Variants in HS3ST2 observed in about 807,000 individuals in gnomAD.
HS3ST2 encodes heparan sulfate glucosamine 3-O-sulfotransferase 2.
In HS3ST2, 17 loss-of-function variants were observed where a neutral mutation model predicts 26.3. The observed-to-expected ratio is 0.65, with a 90% CI of 0.44 to 0.97. The LOEUF is 0.97. Ranked by LOEUF, HS3ST2 falls within the 50% of genes least tolerant of loss-of-function variation. The pLI, the probability that HS3ST2 is intolerant of heterozygous loss-of-function variation, is 0.00. For missense variants in HS3ST2, 402 were observed against 501.2 expected (o/e 0.80, Z 1.89); for synonymous variants, 237 against 219.2 (o/e 1.08, Z -0.72).
intron 1 of HS3ST2, among the ~76,000 whole-genome samples, chr16:22,816,402 A>G (rs1167973420): frequency 6.6e-6 from 1 of 152,180 alleles, no homozygotes; most frequent in Non-Finnish European, 1.5e-5. Flanking sequence ...AGGGCCCTGG[A>G]TTTACCAAAA....
chr16:22,815,999 A>G (rs1044026073), intron 1 of HS3ST2, among the ~76,000 whole-genome samples: 1 of 152,182 alleles, frequency 6.6e-6, no homozygotes, highest in Non-Finnish European at 1.5e-5. Context: ...TATGCTTCCC[A>G]TGCATGCCAG....
rs142041711 is a variant in HS3ST2 at position 22,869,066 on chromosome 16, G to T, written c.486-45878G>T. Among the ~76,000 whole-genome samples, 1,110 of 151,650 alleles carry T rather than the reference G, an allele frequency of 7.3e-3. 16 individuals are homozygous for T. Among genetic ancestry groups the T allele is most frequent in the African/African-American group, 0.026 (1,056 of 41,338 alleles). ...AATGAAATTAGCAATTTCCTAACAG[G>T]TACTAAACAAGCAGAACTGCAAATG... is the stretch of plus-strand genomic sequence containing the variant. On this transcript the variant is annotated intron_variant, in intron 1 of 1. Coordinates refer to ENST00000261374, the MANE Select transcript of HS3ST2 (RefSeq NM_006043.2).
At chr16:22,894,909 C>T (rs1350265734) in intron 1 of HS3ST2, among the ~76,000 whole-genome samples, 1 of 152,242 alleles carries the variant, frequency 6.6e-6, no homozygotes, top group South Asian at 2.1e-4. Flanking sequence ...GACACAAACC[C>T]TTCACCATTT....
chr16:22,887,683 C>T (rs1489543234), intron 1 of HS3ST2, among the ~76,000 whole-genome samples: 1 of 151,922 alleles, frequency 6.6e-6, no homozygotes, highest in East Asian at 1.9e-4. Flanking sequence ...GGCTGTGACT[C>T]AGTAGGGGCA....
chr16:22,868,405 CAAAAAAAAAA>C (rs77630354), intron 1 of HS3ST2, among the ~76,000 whole-genome samples: 13 of 43,506 alleles, frequency 3.0e-4, no homozygotes, highest in African/African-American at 5.3e-4. Context: ...AAGACTCCAT[CAAAAAAAAAA>C]AAAAAAAAAA....
intron 1 of HS3ST2, among the ~76,000 whole-genome samples, chr16:22,838,166 G>T (rs991948533): frequency 6.6e-6 from 1 of 152,102 alleles, no homozygotes; most frequent in Non-Finnish European, 1.5e-5. Flanking sequence ...TCTAGAATCT[G>T]TGCAAAAATC....
intron 1 of HS3ST2, among the ~76,000 whole-genome samples, chr16:22,898,641 C>T (rs1192397266): frequency 6.6e-6 from 1 of 152,194 alleles, no homozygotes; most frequent in Non-Finnish European, 1.5e-5. Context: ...CCAGAACTGA[C>T]ATGCAGAGCT....
At chr16:22,884,928 C>T (rs1266013719) in intron 1 of HS3ST2, among the ~76,000 whole-genome samples, 3 of 151,382 alleles carry the variant, frequency 2.0e-5, no homozygotes, top group African/African-American at 7.3e-5. Flanking sequence ...GCAACCTCCA[C>T]CTCCCCAATT....
At chr16:22,818,578 T>C (rs1299174430) in intron 1 of HS3ST2, among the ~76,000 whole-genome samples, 1 of 152,116 alleles carries the variant, frequency 6.6e-6, no homozygotes, top group Non-Finnish European at 1.5e-5. Context: ...AATCAATTGC[T>C]ATAAAGATAG....
At chr16:22,868,717 A>G (rs1470438347) in intron 1 of HS3ST2, among the ~76,000 whole-genome samples, 1 of 151,946 alleles carries the variant, frequency 6.6e-6, no homozygotes, top group Non-Finnish European at 1.5e-5. Context: ...TTTTGGTGTT[A>G]ATTTTGCTGC....
intron 1 of HS3ST2, among the ~76,000 whole-genome samples, chr16:22,829,943 T>G (rs1445862759): frequency 6.6e-6 from 1 of 152,138 alleles, no homozygotes; most frequent in Non-Finnish European, 1.5e-5. Flanking sequence ...CAGACCTTGG[T>G]CAATATGAGG....
intron 1 of HS3ST2, chr16:22,833,272 T>A (rs1406075956): frequency 2.2e-6 from 1 of 455,990 alleles, no homozygotes; most frequent in Non-Finnish European, 4.4e-6. Context: ...GTTTCTTTCC[T>A]TAGGTGACTC....
At chr16:22,876,402 A>G (rs1246206090) in intron 1 of HS3ST2, among the ~76,000 whole-genome samples, 1 of 152,236 alleles carries the variant, frequency 6.6e-6, no homozygotes, top group Non-Finnish European at 1.5e-5. Context: ...ACAATACAAT[A>G]CCACATTACT....
intron 1 of HS3ST2, among the ~76,000 whole-genome samples, chr16:22,900,312 A>G (rs1902266012): frequency 6.6e-6 from 1 of 152,202 alleles, no homozygotes; most frequent in Non-Finnish European, 1.5e-5. Flanking sequence ...TCCACTTGGT[A>G]CCATCACTGT....
chr16:22,857,580 T>C (rs1414551685), intron 1 of HS3ST2, among the ~76,000 whole-genome samples: 1 of 152,220 alleles, frequency 6.6e-6, no homozygotes, highest in Non-Finnish European at 1.5e-5. Flanking sequence ...TTTAACTTGC[T>C]CTAAATAACA....
chr16:22,840,937 T>A (rs1446355777), intron 1 of HS3ST2, among the ~76,000 whole-genome samples: 1 of 151,610 alleles, frequency 6.6e-6, no homozygotes, highest in Non-Finnish European at 1.5e-5. Context: ...TAACATTAGG[T>A]ATATCTCCTA....
In HS3ST2 at chr16:22,831,593, A is replaced by ATTT. The variant is rs11383417; in HGVS notation, c.485+16508_485+16510dup. ...TAATATGTTACCTGAGGGCTAACCCATTTTTTTTTTTTACAATCTCAGTTT... is the reference window on the plus strand; with the variant it reads ...TAATATGTTACCTGAGGGCTAACCCATTTTTTTTTTTTTTTACAATCTCAGTTT... On this transcript the variant is annotated intron_variant, in intron 1 of 1. Coordinates refer to ENST00000261374, the MANE Select transcript of HS3ST2 (RefSeq NM_006043.2). Among the ~76,000 whole-genome samples, 54 of 148,468 alleles carry ATTT rather than the reference A, an allele frequency of 3.6e-4. No homozygotes were observed. In the East Asian group the frequency reaches 6.7e-3, roughly 18 times the overall value.
chr16:22,910,871 G>T (rs1407245034), intron 1 of HS3ST2, among the ~76,000 whole-genome samples: 1 of 152,138 alleles, frequency 6.6e-6, no homozygotes, highest in Non-Finnish European at 1.5e-5. Flanking sequence ...TAGCAGGAGG[G>T]GCTCAGGATG....
intron 1 of HS3ST2, among the ~76,000 whole-genome samples, chr16:22,843,914 G>C (rs1901395156): frequency 6.7e-6 from 1 of 150,344 alleles, no homozygotes; most frequent in Non-Finnish European, 1.5e-5. Flanking sequence ...GCAAGAAACA[G>C]ACAGTTTCCT....
Sources: gnomAD v4.1 joint callset for allele counts (sites outside exome capture counted in the v4.1 genomes callset) on GRCh38, gnomAD v4.1.1 for gene constraint, MANE v1.5 for transcripts, NCBI Gene and HGNC (gene_info 2026-07-23, HGNC 2026-07-21) for gene names.